SENP7: variants seen among roughly 807,000 people sequenced by gnomAD.
SENP7 encodes sentrin-specific protease 7.
A neutral mutation model predicts 141.2 loss-of-function variants in SENP7; 64 were observed. The observed-to-expected ratio is 0.45, with a 90% CI of 0.37 to 0.56. SENP7 has a LOEUF of 0.56. SENP7 is among the 20% of genes least tolerant of loss of function. The pLI is 0.00. For missense variants in SENP7, 1,025 were observed against 1,212.2 expected, an observed-to-expected ratio of 0.85 and a Z score of 2.29; for synonymous variants, 382 against 426.4, an observed-to-expected ratio of 0.90 and a Z score of 1.28.
chr3:101,442,182 C>T (rs938698335), intron 4 of SENP7, among the ~76,000 whole-genome samples: 6 of 152,228 alleles, frequency 3.9e-5, no homozygotes, highest in South Asian at 2.1e-4. Flanking sequence ...TCTCCAGTAA[C>T]GTAACACAGA....
At chr3:101,386,918 C>T (rs1004302182) in intron 6 of SENP7, among the ~76,000 whole-genome samples, 1 of 152,322 alleles carries the variant, frequency 6.6e-6, no homozygotes, top group Admixed American at 6.5e-5. Flanking sequence ...TAGCACATGC[C>T]ATACAGGGGC....
intron 12 of SENP7, among the ~76,000 whole-genome samples, chr3:101,351,149 GT>G (rs1480660365): frequency 1.3e-5 from 2 of 151,886 alleles, no homozygotes; most frequent in African/African-American, 4.8e-5. Context: ...ATTCTGAAAG[GT>G]TTTCAGTTGG....
At chr3:101,481,078 A>C (rs578201355) in intron 3 of SENP7, among the ~76,000 whole-genome samples, 100 of 148,720 alleles carry the variant, frequency 6.7e-4, no homozygotes, top group South Asian at 3.2e-3. Flanking sequence ...GATTTCCCCA[A>C]AAAAAAAAAA....
At chr3:101,346,314 A>G (rs1242983299) in intron 13 of SENP7, among the ~76,000 whole-genome samples, 8 of 152,218 alleles carry the variant, frequency 5.3e-5, no homozygotes, top group Non-Finnish European at 4.4e-5. Context: ...TGCTGGTGGG[A>G]ATGTAAACTA....
intron 4 of SENP7, among the ~76,000 whole-genome samples, chr3:101,448,638 C>G (rs1048761303): frequency 2.0e-5 from 3 of 152,080 alleles, no homozygotes; most frequent in African/African-American, 7.2e-5. Context: ...CCCAGTTAGG[C>G]TACTCAGCAG....
chr3:101,343,738 AAAGAAC>A lies in SENP7; in HGVS notation c.2048_2053del (p.Cys683_Ser684del). The stretch of plus-strand genomic sequence containing the variant: ...TTCAGCAACAGCAACACCAGCAGGG[AAAGAAC>A]AAGTTGAAACACAGTAATAATGAAT... On this transcript the variant is annotated inframe_deletion, in exon 14 of 24. Coordinates refer to ENST00000394095, the MANE Select transcript of SENP7 (RefSeq NM_020654.5). 6 of 1,613,632 alleles carry A rather than the reference AAAGAAC, an allele frequency of 3.7e-6. No homozygotes were observed. Among genetic ancestry groups the A allele is most frequent in the Non-Finnish European group, 5.1e-6 (6 of 1,179,764 alleles).
At chr3:101,429,194 G>A (rs62280722) in intron 4 of SENP7, among the ~76,000 whole-genome samples, 19,518 of 136,994 alleles carry the variant, frequency 0.14, 1,311 homozygotes, top group South Asian at 0.21. Context: ...GGTTCCATAC[G>A]AAATTTAAAG....
At chr3:101,431,771 C>T (rs1332751123) in intron 4 of SENP7, among the ~76,000 whole-genome samples, 1 of 133,774 alleles carries the variant, frequency 7.5e-6, no homozygotes, top group African/African-American at 2.6e-5. Context: ...CGGACAGAGC[C>T]AGACTTCGTC....
chr3:101,338,277 C>A (rs1428259705), intron 16 of SENP7, among the ~76,000 whole-genome samples: 1 of 151,974 alleles, frequency 6.6e-6, no homozygotes, highest in Non-Finnish European at 1.5e-5. Flanking sequence ...AGCCTATAAT[C>A]CAGAGGAGTG....
chr3:101,375,957 G>T (rs1437897708), intron 6 of SENP7, among the ~76,000 whole-genome samples: 1 of 152,154 alleles, frequency 6.6e-6, no homozygotes, highest in Admixed American at 6.6e-5. Context: ...GCTACTAGGG[G>T]ATTAGGAGAG....
chr3:101,427,054 C>A (rs918548911), intron 4 of SENP7, among the ~76,000 whole-genome samples: 3 of 152,088 alleles, frequency 2.0e-5, no homozygotes, highest in African/African-American at 7.2e-5. Flanking sequence ...AAATTTAAGG[C>A]CAATATCCTT....
intron 2 of SENP7, among the ~76,000 whole-genome samples, chr3:101,496,531 TG>T (rs935067990): frequency 1.3e-5 from 2 of 151,426 alleles, no homozygotes; most frequent in African/African-American, 4.8e-5. Context: ...CCCTAAGTGC[TG>T]GGTTTAGAGG....
rs577237013 is a variant in SENP7 at position 101,377,230 on chromosome 3, G to A, written c.678-5104C>T. 2.0e-5 allele frequency among the ~76,000 whole-genome samples: 3 copies of A among 152,154 alleles called. No individual in the cohort carries two copies. The South Asian group carries it at 6.2e-4, about 32-fold the overall frequency. On this transcript the variant is annotated intron_variant, in intron 6 of 23. Coordinates refer to ENST00000394095, the MANE Select transcript of SENP7 (RefSeq NM_020654.5). ...AGCTTGGAAGTTATCTATCCTAACG[G>A]GTAAAACTGAAAAATCAACAACTCT... is the stretch of plus-strand genomic sequence containing the variant.
rs2058868171 is a variant in SENP7, at chr3:101,325,208, C to T, written c.*735G>A. On this transcript the variant is annotated 3_prime_UTR_variant, in exon 24 of 24. Coordinates refer to ENST00000394095, the MANE Select transcript of SENP7 (RefSeq NM_020654.5). Reference sequence around the variant, plus strand: ...AGCTACATGTATAATTTTTAAAAAACTATTTTGCACAGGTAAAATTTTTTG... The same window carrying T: ...AGCTACATGTATAATTTTTAAAAAATTATTTTGCACAGGTAAAATTTTTTG... 1 of 151,554 alleles carries T rather than the reference C, an allele frequency of 6.6e-6. No individual in the cohort carries two copies. The highest frequency in any genetic ancestry group is 2.1e-4 in the South Asian group (1 of 4,810). 9.4% of individuals were successfully genotyped at this position (151,554 alleles called of 1,614,324 possible).
intron 2 of SENP7, among the ~76,000 whole-genome samples, chr3:101,494,178 AG>A (rs1256755374): frequency 2.0e-5 from 3 of 152,230 alleles, no homozygotes; most frequent in African/African-American, 7.2e-5. Flanking sequence ...AGTTGAATGA[AG>A]AATCAGAAGA....
At position 101,324,438 on chromosome 3, in the gene SENP7, C is replaced by T. The variant is rs142824380; in HGVS notation, c.*1505G>A. 35 of 152,104 alleles carry T rather than the reference C, an allele frequency of 2.3e-4. No individual in the cohort carries two copies. The highest frequency in any genetic ancestry group is 7.9e-4 in the African/African-American group (33 of 41,538). The allele number at this position is 152,104 out of a possible 1,614,324, so 9.4% of individuals were successfully genotyped here. ...AAAACATTAAGAAATCACAAGATGT[C>T]TTATAGACTTGCTTTCCCAAAATTA... On this transcript the variant is annotated 3_prime_UTR_variant, in exon 24 of 24. Transcript: ENST00000394095.
chr3:101,397,464 T>C (rs981854941), intron 6 of SENP7, among the ~76,000 whole-genome samples: 2 of 152,198 alleles, frequency 1.3e-5, no homozygotes, highest in African/African-American at 4.8e-5. Context: ...GATACATTAC[T>C]AATTTCCCCA....
chr3:101,361,601 C>T (rs1226618101), intron 11 of SENP7, 114 bp downstream of exon 11: 3 of 1,112,216 alleles, frequency 2.7e-6, no homozygotes, highest in Non-Finnish European at 3.6e-6. Context: ...CAAAGTGTCC[C>T]ATATAAAATA....
chr3:101,340,235 C>A, intron 15 of SENP7, 24 bp from the exon 16 acceptor site: 1 of 1,559,168 alleles, frequency 6.4e-7, no homozygotes, highest in East Asian at 2.3e-5. Flanking sequence ...ATAAAGTTAA[C>A]ATATACTGAT....
Sources: gnomAD v4.1 joint callset for allele counts (sites outside exome capture counted in the v4.1 genomes callset) on GRCh38, gnomAD v4.1.1 for gene constraint, MANE v1.5 for transcripts, NCBI Gene and HGNC (gene_info 2026-07-23, HGNC 2026-07-21) for gene names.